The following NSMCE2 variants were observed in gnomAD, a reference collection of about 807,000 sequenced individuals.
NSMCE2 encodes the protein E3 SUMO-protein ligase NSE2.
In NSMCE2, 24 loss-of-function variants were observed where a neutral mutation model predicts 23.8. The observed-to-expected ratio is 1.01, with a 90% CI of 0.73 to 1.42. NSMCE2 has a LOEUF of 1.42. Ranked by LOEUF, NSMCE2 falls within the 40% of genes most tolerant of loss-of-function variation. The pLI, the probability that NSMCE2 is intolerant of heterozygous loss-of-function variation, is 0.00. For missense variants in NSMCE2, 284 were observed against 296.5 expected (o/e 0.96, Z 0.31); for synonymous variants, 92 against 94.1 (o/e 0.98, Z 0.13).
chr8:125,140,656 A>G (rs1380607067), intron 3 of NSMCE2, among the ~76,000 whole-genome samples: 2 of 152,118 alleles, frequency 1.3e-5, no homozygotes, highest in Admixed American at 1.3e-4. Flanking sequence ...CTCAAAAAAA[A>G]AAACATATGA....
intron 3 of NSMCE2, among the ~76,000 whole-genome samples, chr8:125,111,849 A>G (rs572763837): frequency 2.0e-5 from 3 of 152,226 alleles, no homozygotes; most frequent in South Asian, 4.1e-4. Context: ...ATATGTCAAT[A>G]CAACTGACCT....
chr8:125,156,612 T>C (rs1821327770), intron 4 of NSMCE2, among the ~76,000 whole-genome samples: 1 of 152,212 alleles, frequency 6.6e-6, no homozygotes, highest in Non-Finnish European at 1.5e-5. Context: ...CTATGTAGTG[T>C]GGTTTTTCAC....
chr8:125,217,907 C>G (rs1345696381), intron 5 of NSMCE2, among the ~76,000 whole-genome samples: 1 of 151,224 alleles, frequency 6.6e-6, no homozygotes, highest in Admixed American at 6.6e-5. Flanking sequence ...AAACAAAAAC[C>G]GTTGTACTAG....
chr8:125,132,950 C>G (rs1488856227), intron 3 of NSMCE2, among the ~76,000 whole-genome samples: 3 of 152,184 alleles, frequency 2.0e-5, no homozygotes, highest in Admixed American at 6.5e-5. Context: ...TCATCTAACT[C>G]TCTCTTAAAA....
intron 5 of NSMCE2, among the ~76,000 whole-genome samples, chr8:125,221,300 C>T (rs1231192041): frequency 1.3e-5 from 2 of 152,222 alleles, no homozygotes; most frequent in Non-Finnish European, 2.9e-5. Context: ...TGCTGAAGTG[C>T]AGTGACGCAA....
chr8:125,205,496 G>T (rs1225235491), intron 5 of NSMCE2, among the ~76,000 whole-genome samples: 2 of 152,076 alleles, frequency 1.3e-5, no homozygotes, highest in African/African-American at 4.8e-5. Context: ...TTTGGTGATG[G>T]TGCATCCCAG....
At chr8:125,273,321 T>C (rs1390359550) in intron 5 of NSMCE2, among the ~76,000 whole-genome samples, 1 of 152,232 alleles carries the variant, frequency 6.6e-6, no homozygotes, top group Non-Finnish European at 1.5e-5. Context: ...CAAAACATTA[T>C]AGTCATGTTA....
intron 5 of NSMCE2, among the ~76,000 whole-genome samples, chr8:125,247,065 C>T (rs1211457558): frequency 2.0e-5 from 3 of 151,424 alleles, no homozygotes; most frequent in Non-Finnish European, 1.5e-5. Flanking sequence ...TGGTGACTCA[C>T]ACCTCTAATT....
At chr8:125,160,615 A>G (rs1167447315) in intron 4 of NSMCE2, among the ~76,000 whole-genome samples, 2 of 152,216 alleles carry the variant, frequency 1.3e-5, no homozygotes, top group South Asian at 2.1e-4. Flanking sequence ...CACCCTCCCT[A>G]TGTCTATAAC....
intron 5 of NSMCE2, among the ~76,000 whole-genome samples, chr8:125,214,961 T>C (rs1424319506): frequency 6.6e-6 from 1 of 152,148 alleles, no homozygotes; most frequent in Non-Finnish European, 1.5e-5. Context: ...ATGGAAACTG[T>C]ACCCATTAAA....
intron 5 of NSMCE2, among the ~76,000 whole-genome samples, chr8:125,290,302 G>A (rs1420190557): frequency 2.0e-5 from 3 of 151,812 alleles, no homozygotes; most frequent in South Asian, 2.1e-4. Flanking sequence ...ACAAGGTAGC[G>A]GTAGCAAAAA....
At chr8:125,207,869 C>T (rs1170811214) in intron 5 of NSMCE2, among the ~76,000 whole-genome samples, 1 of 152,158 alleles carries the variant, frequency 6.6e-6, no homozygotes, top group Non-Finnish European at 1.5e-5. Context: ...AGTGGGTAGG[C>T]AAGAGCCTCT....
At chr8:125,133,064 C>G (rs1819855522) in intron 3 of NSMCE2, among the ~76,000 whole-genome samples, 1 of 152,154 alleles carries the variant, frequency 6.6e-6, no homozygotes, top group Non-Finnish European at 1.5e-5. Flanking sequence ...TTTCCACTTT[C>G]ATTCTGCTTC....
intron 5 of NSMCE2, among the ~76,000 whole-genome samples, chr8:125,290,462 T>TG (rs1233963304): frequency 6.6e-6 from 1 of 152,006 alleles, no homozygotes; most frequent in Non-Finnish European, 1.5e-5. Flanking sequence ...TTGCATGACT[T>TG]GCATTTTTTT....
intron 4 of NSMCE2, among the ~76,000 whole-genome samples, chr8:125,158,799 A>G (rs907740866): frequency 6.6e-6 from 1 of 152,202 alleles, no homozygotes; most frequent in Non-Finnish European, 1.5e-5. Flanking sequence ...AGTGGTGCTG[A>G]ATGGGCTAAC....
At chr8:125,134,972 A>AT (rs1490308276) in intron 3 of NSMCE2, among the ~76,000 whole-genome samples, 2 of 152,072 alleles carry the variant, frequency 1.3e-5, no homozygotes, top group African/African-American at 4.8e-5. Flanking sequence ...CAGTGGCTCA[A>AT]TATTGGCTTA....
intron 5 of NSMCE2, among the ~76,000 whole-genome samples, chr8:125,306,512 G>A (rs928339951): frequency 6.6e-6 from 1 of 152,064 alleles, no homozygotes; most frequent in Non-Finnish European, 1.5e-5. Context: ...CAGCTCCACT[G>A]TAACAGTATT....
intron 3 of NSMCE2, among the ~76,000 whole-genome samples, chr8:125,138,682 TTAAG>T (rs1820197161): frequency 6.6e-6 from 1 of 152,200 alleles, no homozygotes; most frequent in Non-Finnish European, 1.5e-5. Flanking sequence ...TGAAGCATGT[TTAAG>T]TAAGGCAGGT....
intron 4 of NSMCE2, among the ~76,000 whole-genome samples, chr8:125,167,164 T>G (rs562799611): frequency 1.3e-5 from 2 of 152,358 alleles, no homozygotes; most frequent in Non-Finnish European, 2.9e-5. Flanking sequence ...GCAAGATGGC[T>G]CTTTACCACC....
Sources: gnomAD v4.1 joint callset for allele counts (sites outside exome capture counted in the v4.1 genomes callset) on GRCh38, gnomAD v4.1.1 for gene constraint, MANE v1.5 for transcripts, NCBI Gene and HGNC (gene_info 2026-07-23, HGNC 2026-07-21) for gene names.